NSUN4: variants seen among roughly 807,000 people sequenced by gnomAD.
NSUN4 encodes 5-cytosine rRNA methyltransferase NSUN4.
In NSUN4, 31 loss-of-function variants were observed where a neutral mutation model predicts 43.8. That is an observed-to-expected ratio of 0.71 (90% CI 0.53 to 0.96). NSUN4 has a LOEUF of 0.96. NSUN4 is among the 40% of genes least tolerant of loss of function. The probability of loss-of-function intolerance (pLI) is 0.00; values close to 1 mark genes in which losing one functional copy is unlikely to be tolerated. For missense variants in NSUN4, 439 were observed against 475.6 expected, an observed-to-expected ratio of 0.92 and a Z score of 0.72; for synonymous variants, 167 against 184.1, an observed-to-expected ratio of 0.91 and a Z score of 0.75.
chr1:46,361,467 A>G (rs149367288), intron 5 of NSUN4, 103 bp from the exon 6 acceptor site: 1 of 1,041,956 alleles, frequency 9.6e-7, no homozygotes, highest in Admixed American at 2.3e-5. Flanking sequence ...CCAGCTACCC[A>G]TCCTGTAGTA....
chr1:46,365,594 G>A (rs1034512649), downstream of NSUN4, among the ~76,000 whole-genome samples: 19 of 152,054 alleles, frequency 1.2e-4, no homozygotes, highest in African/African-American at 4.1e-4. Context: ...CACCTACCTC[G>A]GCCTCCCAAA....
At chr1:46,340,953 TGAGGGTGGAAA>T in intron 1 of NSUN4, 34 bp downstream of exon 1, 2 of 1,568,696 alleles carry the variant, frequency 1.3e-6, no homozygotes, top group Non-Finnish European at 1.7e-6. Flanking sequence ...GAGGGAAAAG[TGAGGGTGGAAA>T]CTTCTCCAGT....
At position 46,360,228 on chromosome 1, in the gene NSUN4, C is replaced by CAAAAAAAAA. The variant is rs1240539714; in HGVS notation, c.754-462_754-454dup. Among the ~76,000 whole-genome samples the CAAAAAAAAA allele has an allele frequency of 5.4e-4, 19 of 35,020 alleles. 1 individual carries two copies. Among genetic ancestry groups the CAAAAAAAAA allele is most frequent in the African/African-American group, 8.5e-4 (5 of 5,856 alleles). The allele number at this position is 35,020 out of a possible 152,430, so 23.0% of individuals were successfully genotyped here. A position where few individuals can be genotyped will look rare whatever the true frequency, so the allele number is the denominator to read the frequency against. On this transcript the variant is annotated intron_variant, in intron 4 of 5. Transcript: ENST00000474844. ...TGGGCGACAGAGCAAGACTCCATCT[C>CAAAAAAAAA]AAAAAAAAAAAAAAAAAAAAAATAT...
chr1:46,384,800 T>C, the NSUN4 span, among the ~76,000 whole-genome samples: 1 of 152,180 alleles, frequency 6.6e-6, no homozygotes, highest in Non-Finnish European at 1.5e-5. Flanking sequence ...CTTCCCAGGC[T>C]GGCTTGAGTT....
In NSUN4 at chr1:46,361,824, G is replaced by A. The variant is rs1358215063; in HGVS notation, c.1133G>A (p.Cys378Tyr). 2 of 1,614,130 alleles carry A rather than the reference G, an allele frequency of 1.2e-6. No homozygotes were observed. The highest frequency in any genetic ancestry group is 8.5e-7 in the Non-Finnish European group (1 of 1,180,006). The part of the protein sequence containing the change: ...LMANFGPMYF[C>Y]KMRRLT Reference sequence around the variant, plus strand: ...GCCAATTTTGGCCCCATGTACTTCTGCAAAATGCGTAGGCTGACATAGTAT... The same window carrying A: ...GCCAATTTTGGCCCCATGTACTTCTACAAAATGCGTAGGCTGACATAGTAT... The change falls in exon 6 of 6, where the codon TGC becomes TAC. Residue 378 changes from cysteine (C) to tyrosine (Y), a missense_variant. Physicochemically the swap from Cys to Tyr is radical, Grantham distance 194. Transcript: ENST00000474844.
intron 4 of NSUN4, among the ~76,000 whole-genome samples, chr1:46,355,594 C>T (rs1268017207): frequency 6.6e-6 from 1 of 152,086 alleles, no homozygotes; most frequent in Non-Finnish European, 1.5e-5. Context: ...ACAATCCTTA[C>T]CATTATTATT....
chr1:46,349,145 T>TA (rs1392830457), intron 3 of NSUN4, among the ~76,000 whole-genome samples: 21 of 127,454 alleles, frequency 1.6e-4, no homozygotes, highest in Non-Finnish European at 3.4e-4. Flanking sequence ...TGTTTTTTTG[T>TA]TTTTTTTTTT....
At chr1:46,342,220 C>A (rs1662166089) in intron 1 of NSUN4, 1 of 399,610 alleles carries the variant, frequency 2.5e-6, no homozygotes, top group African/African-American at 2.1e-5. Flanking sequence ...CCCCTTCTCT[C>A]CCCAGCATCT....
the NSUN4 span, among the ~76,000 whole-genome samples, chr1:46,383,733 G>C: frequency 1.3e-5 from 2 of 152,308 alleles, no homozygotes; most frequent in South Asian, 4.1e-4. Flanking sequence ...GGGATTACAG[G>C]CGTGAGCCAC....
intron 4 of NSUN4, among the ~76,000 whole-genome samples, chr1:46,359,939 C>G (rs933314003): frequency 5.9e-5 from 9 of 151,354 alleles, no homozygotes; most frequent in African/African-American, 2.2e-4. Context: ...TACAAAAATA[C>G]AAAAATTAGG....
chr1:46,348,998 A>G (rs1013181229), intron 3 of NSUN4, among the ~76,000 whole-genome samples: 10 of 151,578 alleles, frequency 6.6e-5, no homozygotes, highest in African/African-American at 2.4e-4. Context: ...TATTTTTAGT[A>G]GAGATGGGGT....
In NSUN4 at chr1:46,360,516, A is replaced by G. The variant is rs558342551; in HGVS notation, c.754-188A>G. Among the ~76,000 whole-genome samples the G allele has an allele frequency of 5.9e-5, 9 of 151,940 alleles. No homozygotes were observed. In the East Asian group the frequency reaches 1.4e-3, roughly 23 times the overall value. On this transcript the variant is annotated intron_variant, in intron 4 of 5. Transcript: ENST00000474844. Reference sequence around the variant, plus strand: ...AGCCATGAATATTCCCAAATATACTATTTTCCACTCATTATTTCACAATTG... The same window carrying G: ...AGCCATGAATATTCCCAAATATACTGTTTTCCACTCATTATTTCACAATTG...
chr1:46,346,150 C>CAAAAA (rs745954011), intron 2 of NSUN4, among the ~76,000 whole-genome samples: 4 of 86,110 alleles, frequency 4.6e-5, no homozygotes, highest in African/African-American at 9.2e-5. Context: ...GACTCTGTCT[C>CAAAAA]AAAAAAAAAA....
chr1:46,342,060 G>C, intron 1 of NSUN4: 3 of 809,354 alleles, frequency 3.7e-6, no homozygotes, highest in Non-Finnish European at 5.0e-6. Context: ...TAGGACCCCG[G>C]GAACTTGCCT....
intron 2 of NSUN4, among the ~76,000 whole-genome samples, chr1:46,346,170 A>T (rs1662479199): frequency 6.7e-6 from 1 of 150,104 alleles, no homozygotes; most frequent in East Asian, 2.0e-4. Flanking sequence ...AAAAAAAAAA[A>T]TTATCTACCA....
chr1:46,360,215 C>A (rs1473459845), intron 4 of NSUN4, among the ~76,000 whole-genome samples: 1 of 89,054 alleles, frequency 1.1e-5, no homozygotes, highest in African/African-American at 4.6e-5. Flanking sequence ...GGCGACAGAG[C>A]AAGACTCCAT....
At chr1:46,371,467 G>C in the NSUN4 span, among the ~76,000 whole-genome samples, 2 of 152,146 alleles carry the variant, frequency 1.3e-5, no homozygotes, top group South Asian at 4.2e-4. Context: ...CTCCACGCCT[G>C]GCTAATTTTT....
intron 1 of NSUN4, chr1:46,343,554 A>T: frequency 2.5e-6 from 1 of 400,188 alleles, no homozygotes; most frequent in Non-Finnish European, 4.4e-6. Context: ...TTCCCACCAA[A>T]GCCAAAGCCG....
At chr1:46,372,674 G>A in the NSUN4 span, among the ~76,000 whole-genome samples, 1 of 152,106 alleles carries the variant, frequency 6.6e-6, no homozygotes, top group East Asian at 1.9e-4. Flanking sequence ...AGAGCCCTGA[G>A]GCATGGACAC....
Sources: allele counts gnomAD v4.1 joint callset (sites outside exome capture counted in the v4.1 genomes callset), GRCh38; gene constraint gnomAD v4.1.1; transcripts MANE v1.5; gene names NCBI Gene and HGNC (gene_info 2026-07-23, HGNC 2026-07-21).